The following PKP2 variants were observed in gnomAD, a reference collection of about 807,000 sequenced individuals.
PKP2 encodes the protein plakophilin 2.
In PKP2, 73 loss-of-function variants were observed where a neutral mutation model predicts 83.4. The ratio of observed to expected loss-of-function variants is 0.88; its 90% CI spans 0.72 to 1.06. PKP2 has a LOEUF of 1.06. Among genes scored for constraint, PKP2 ranks in the 50% least tolerant of loss-of-function variants. PKP2 has a pLI of 0.00. For synonymous variants in PKP2, 409 were observed against 430.4 expected, an observed-to-expected ratio of 0.95 and a Z score of 0.62; for missense variants, 966 against 1,065.4, an observed-to-expected ratio of 0.91 and a Z score of 1.30.
At chr12:32,835,865 G>A (rs1956542064) in intron 6 of PKP2, among the ~76,000 whole-genome samples, 1 of 152,084 alleles carries the variant, frequency 6.6e-6, no homozygotes, top group Non-Finnish European at 1.5e-5. Flanking sequence ...AGCCCAGGCT[G>A]GACCTCTGGG....
intron 5 of PKP2, among the ~76,000 whole-genome samples, chr12:32,848,805 AT>A (rs1956670888): frequency 2.0e-5 from 3 of 152,134 alleles, no homozygotes; most frequent in Non-Finnish European, 4.4e-5. Context: ...TGAATGTTGA[AT>A]TTTTTAAAAT....
intron 9 of PKP2, 42 bp downstream of exon 9, chr12:32,821,314 T>C: frequency 6.5e-7 from 1 of 1,540,076 alleles, no homozygotes; most frequent in Non-Finnish European, 9.0e-7. Flanking sequence ...ATGTCTACAA[T>C]ATCATTATTT....
At position 32,822,383 on chromosome 12, in the gene PKP2, G is replaced by C. The variant is rs114120976; in HGVS notation, c.1839+84C>G. On this transcript the variant is annotated intron_variant, in intron 8 of 12. Transcript: ENST00000340811. ...TTAAAATAGTGCCGATATATACCAA[G>C]TACTTAGACATACACATATACACAA... 2,296 of 1,142,520 alleles carry C rather than the reference G, an allele frequency of 2.0e-3. 30 individuals are homozygous for C. In the African/African-American group the frequency reaches 0.031, roughly 15 times the overall value. 70.8% of individuals were successfully genotyped at this position (1,142,520 alleles called of 1,614,324 possible). A position where few individuals can be genotyped will look rare whatever the true frequency, so the allele number is the denominator to read the frequency against.
intron 4 of PKP2, 92 bp downstream of exon 4, chr12:32,868,835 A>C (rs1178482459): frequency 1.4e-6 from 2 of 1,428,142 alleles, no homozygotes; most frequent in African/African-American, 2.8e-5. Context: ...ATTTTTAAAA[A>C]TTTAAATAAA....
chr12:32,831,708 G>A (rs1447087920), intron 6 of PKP2, among the ~76,000 whole-genome samples: 2 of 152,186 alleles, frequency 1.3e-5, no homozygotes, highest in African/African-American at 4.8e-5. Flanking sequence ...CTTTAGCAAA[G>A]AGAAGTGTTA....
Position 32,792,401 on chromosome 12 carries a change from C to T in PKP2, c.*23G>A. The T allele has an allele frequency of 6.3e-7, 1 of 1,591,202 alleles. No homozygotes were observed. The highest frequency in any genetic ancestry group is 8.6e-7 in the Non-Finnish European group (1 of 1,159,074). On this transcript the variant is annotated 3_prime_UTR_variant, in exon 13 of 13. Coordinates refer to ENST00000340811, the MANE Select transcript of PKP2 (RefSeq NM_001005242.3). ...TGTTTTCCTTTGGGGATTTTTGCAG[C>T]CGAGAATACTTTGTCATTTTCCTCA... is the stretch of plus-strand genomic sequence containing the variant.
At chr12:32,800,294 T>C (rs1956167959) in intron 10 of PKP2, among the ~76,000 whole-genome samples, 1 of 152,266 alleles carries the variant, frequency 6.6e-6, no homozygotes, top group South Asian at 2.1e-4. Context: ...TGTGGGTTCC[T>C]TGAAGCCAAT....
intron 10 of PKP2, among the ~76,000 whole-genome samples, chr12:32,798,234 A>T (rs1283360180): frequency 6.6e-6 from 1 of 150,682 alleles, no homozygotes; most frequent in Non-Finnish European, 1.5e-5. Context: ...ACAGGTACGC[A>T]CCACCATGCC....
At chr12:32,816,270 G>C (rs559122197) in intron 9 of PKP2, among the ~76,000 whole-genome samples, 5 of 152,118 alleles carry the variant, frequency 3.3e-5, no homozygotes, top group African/African-American at 1.2e-4. Context: ...AGTGTCTATT[G>C]TTGCCATCTG....
At chr12:32,836,302 C>T (rs1956544859) in intron 6 of PKP2, among the ~76,000 whole-genome samples, 1 of 152,178 alleles carries the variant, frequency 6.6e-6, no homozygotes, top group South Asian at 2.1e-4. Flanking sequence ...CATGCTCATC[C>T]TAAAGACAAA....
rs1046116 is a variant in PKP2, at chr12:32,869,000, A to G, written c.1097T>C (p.Leu366Pro). The stretch of plus-strand genomic sequence containing the variant: ...AGCTGCAGCAGAAATCCTGGATGGC[A>G]GCATGTGGTCTGCCTCGAGCATACT... ...AVSMLEADHM[L>P]PSRISAAATF... is the part of the protein sequence containing the mutation. The change falls in exon 4 of 13, where the codon CTG becomes CCG. Residue 366 changes from leucine (L) to proline (P), a missense_variant. Coordinates refer to ENST00000340811, the MANE Select transcript of PKP2 (RefSeq NM_001005242.3). 0.21 allele frequency: 346,288 copies of G among 1,613,432 alleles called. 38,883 individuals carry two copies. The highest frequency in any genetic ancestry group is 0.24 in the Middle Eastern group (1,434 of 6,030).
At chr12:32,871,654 T>C (rs1234025455) in intron 3 of PKP2, among the ~76,000 whole-genome samples, 2 of 152,042 alleles carry the variant, frequency 1.3e-5, no homozygotes, top group East Asian at 1.9e-4. Flanking sequence ...GTAGTAGAGA[T>C]GGGGTTTCAC....
intron 6 of PKP2, among the ~76,000 whole-genome samples, chr12:32,829,868 C>T (rs767654035): frequency 6.6e-6 from 1 of 152,044 alleles, no homozygotes; most frequent in Non-Finnish European, 1.5e-5. Context: ...ACCATGTTGG[C>T]CAGGCTACTC....
At chr12:32,813,529 C>T (rs988849598) in intron 9 of PKP2, among the ~76,000 whole-genome samples, 2 of 152,008 alleles carry the variant, frequency 1.3e-5, no homozygotes, top group Non-Finnish European at 2.9e-5. Context: ...CCTGTAATTC[C>T]AGCACTTTGG....
intron 1 of PKP2, among the ~76,000 whole-genome samples, chr12:32,882,314 T>C (rs1565600863): frequency 6.6e-6 from 1 of 152,136 alleles, no homozygotes; most frequent in Non-Finnish European, 1.5e-5. Context: ...TGTTACTCTA[T>C]AATAAAACGG....
At chr12:32,856,228 C>T (rs1334036664) in intron 4 of PKP2, among the ~76,000 whole-genome samples, 1 of 152,074 alleles carries the variant, frequency 6.6e-6, no homozygotes, top group Non-Finnish European at 1.5e-5. Flanking sequence ...TAAGAAGGGT[C>T]TTACAGACTA....
intron 3 of PKP2, among the ~76,000 whole-genome samples, chr12:32,872,046 T>C (rs1219466450): frequency 6.6e-6 from 1 of 152,208 alleles, no homozygotes; most frequent in African/African-American, 2.4e-5. Context: ...TCTTGGGAGA[T>C]GGCGATGGGC....
chr12:32,808,187 C>T (rs1358410898), intron 9 of PKP2, among the ~76,000 whole-genome samples: 1 of 152,200 alleles, frequency 6.6e-6, no homozygotes, highest in East Asian at 1.9e-4. Flanking sequence ...CATCTCTTTA[C>T]ATAATCCCAC....
In PKP2 at chr12:32,850,856, T is replaced by C. The variant is rs796384834; in HGVS notation, c.1288A>G (p.Lys430Glu). 5 of 1,613,936 alleles carry C rather than the reference T, an allele frequency of 3.1e-6. No individual in the cohort carries two copies. Among genetic ancestry groups the C allele is most frequent in the Non-Finnish European group, 4.2e-6 (5 of 1,179,880 alleles). The change falls in exon 5 of 13, where the codon AAA becomes GAA. Residue 430 changes from lysine to glutamate, a missense_variant. Transcript: ENST00000340811. ...RNLVFEDNDN[K>E]LEVAELNGVP... ...CCATTTAGTTCAGCCACCTCCAATTTGTTGTCATTGTCTTCAAATACTAAG... is the reference window on the plus strand; with the variant it reads ...CCATTTAGTTCAGCCACCTCCAATTCGTTGTCATTGTCTTCAAATACTAAG...
Sources: gnomAD v4.1 joint callset for allele counts (sites outside exome capture counted in the v4.1 genomes callset) on GRCh38, gnomAD v4.1.1 for gene constraint, MANE v1.5 for transcripts, NCBI Gene and HGNC (gene_info 2026-07-23, HGNC 2026-07-21) for gene names.